Variants in RAB3C observed in about 807,000 individuals in gnomAD.
RAB3C encodes the protein RAB3C, member RAS oncogene family, also known as ras-related protein Rab-3C.
In RAB3C, 17 loss-of-function variants were observed where a neutral mutation model predicts 26.4. The observed-to-expected ratio is 0.64, with a 90% CI of 0.44 to 0.97. The LOEUF is 0.97. Ranked by LOEUF, RAB3C falls within the 50% of genes least tolerant of loss-of-function variation. The pLI, the probability that RAB3C is intolerant of heterozygous loss-of-function variation, is 0.00. For synonymous variants in RAB3C, 91 were observed against 95.9 expected (o/e 0.95, Z 0.30); for missense variants, 242 against 281.9 (o/e 0.86, Z 1.01).
At chr5:58,629,650 G>T (rs374657500) in intron 2 of RAB3C, among the ~76,000 whole-genome samples, 2 of 152,146 alleles carry the variant, frequency 1.3e-5, no homozygotes, top group African/African-American at 2.4e-5. Flanking sequence ...TGGAAAAAAG[G>T]GGAGCGTTTA....
intron 3 of RAB3C, among the ~76,000 whole-genome samples, chr5:58,811,345 G>C (rs59783178): frequency 0.01 from 1,575 of 151,900 alleles, 39 homozygotes; most frequent in African/African-American, 0.036. Flanking sequence ...TAGATTTTGC[G>C]TGTGTGTGTA....
At chr5:58,588,773 G>A (rs979296142) in intron 1 of RAB3C, among the ~76,000 whole-genome samples, 10 of 152,010 alleles carry the variant, frequency 6.6e-5, no homozygotes, top group Non-Finnish European at 1.0e-4. Flanking sequence ...CTGACTCTGC[G>A]TCCAGAGGCC....
At chr5:58,624,258 G>A (rs1747007453) in intron 2 of RAB3C, among the ~76,000 whole-genome samples, 1 of 152,166 alleles carries the variant, frequency 6.6e-6, no homozygotes, top group East Asian at 1.9e-4. Flanking sequence ...CCTGAGCACA[G>A]CACACACAGG....
chr5:58,597,207 T>C (rs1414307839), intron 1 of RAB3C, among the ~76,000 whole-genome samples: 2 of 29,448 alleles, frequency 6.8e-5, no homozygotes, highest in Non-Finnish European at 1.0e-4. Context: ...TAATATATAC[T>C]ACATAAATAT....
chr5:58,764,416 G>A (rs1741856342), intron 3 of RAB3C, among the ~76,000 whole-genome samples: 4 of 151,996 alleles, frequency 2.6e-5, no homozygotes, highest in Admixed American at 2.6e-4. Context: ...GCAATTCCCA[G>A]TCCTCTGTTT....
intron 2 of RAB3C, among the ~76,000 whole-genome samples, chr5:58,618,912 G>GA (rs1265278752): frequency 6.6e-6 from 1 of 151,998 alleles, no homozygotes; most frequent in Non-Finnish European, 1.5e-5. Context: ...TGATCAATAG[G>GA]ACTGACAATA....
chr5:58,798,892 C>T (rs1033197230), intron 3 of RAB3C, among the ~76,000 whole-genome samples: 1 of 152,100 alleles, frequency 6.6e-6, no homozygotes, highest in Non-Finnish European at 1.5e-5. Flanking sequence ...CTACAACTTG[C>T]CACAACTAGC....
intron 1 of RAB3C, among the ~76,000 whole-genome samples, chr5:58,601,391 A>G (rs532466134): frequency 8.1e-4 from 123 of 152,144 alleles, no homozygotes; most frequent in Non-Finnish European, 1.5e-3. Context: ...TTCTTTCTCT[A>G]TCTTGTGGAA....
intron 3 of RAB3C, among the ~76,000 whole-genome samples, chr5:58,752,574 C>T (rs1427816313): frequency 6.6e-6 from 1 of 151,786 alleles, no homozygotes; most frequent in African/African-American, 2.4e-5. Context: ...GGTGTATTAT[C>T]AGTGATTTGA....
At chr5:58,702,997 A>G (rs1306826205) in intron 2 of RAB3C, among the ~76,000 whole-genome samples, 1 of 152,176 alleles carries the variant, frequency 6.6e-6, no homozygotes, top group African/African-American at 2.4e-5. Context: ...AAGGCAACCT[A>G]TATATTGGTT....
chr5:58,626,657 G>A (rs1382734602), intron 2 of RAB3C, among the ~76,000 whole-genome samples: 1 of 152,046 alleles, frequency 6.6e-6, no homozygotes, highest in Non-Finnish European at 1.5e-5. Flanking sequence ...TTTGCTTATA[G>A]TCTTATCGTA....
intron 3 of RAB3C, among the ~76,000 whole-genome samples, chr5:58,803,057 A>G (rs1003856830): frequency 6.6e-6 from 1 of 152,212 alleles, no homozygotes; most frequent in African/African-American, 2.4e-5. Flanking sequence ...CTCTCATTCC[A>G]TTGACCAGAG....
In RAB3C at chr5:58,604,983, C is replaced by G. The variant is rs867560371; in HGVS notation, c.25-12660C>G. The stretch of plus-strand genomic sequence containing the variant: ...TTGGGGACCCAGAGAGCTCGCAGGG[C>G]CTTTCTGCTGCTTCCTCTACCCCTA... On this transcript the variant is annotated intron_variant, in intron 1 of 4. Transcript: ENST00000282878. Among the ~76,000 whole-genome samples the G allele has an allele frequency of 1.3e-5, 2 of 152,018 alleles. 1 individual carries two copies. The highest frequency in any genetic ancestry group is 2.9e-5 in the Non-Finnish European group (2 of 68,012).
chr5:58,812,772 T>C (rs577134058), intron 3 of RAB3C, among the ~76,000 whole-genome samples: 100 of 152,360 alleles, frequency 6.6e-4, no homozygotes, highest in African/African-American at 2.4e-3. Context: ...ATCAATACCA[T>C]GTGAATAATT....
intron 3 of RAB3C, among the ~76,000 whole-genome samples, chr5:58,811,703 C>G (rs369814708): frequency 6.6e-5 from 10 of 152,130 alleles, no homozygotes; most frequent in East Asian, 5.8e-4. Context: ...TGTCCCACCC[C>G]CTTTCTCTCA....
At chr5:58,716,041 A>G (rs933744003) in intron 2 of RAB3C, among the ~76,000 whole-genome samples, 4 of 145,902 alleles carry the variant, frequency 2.7e-5, no homozygotes, top group African/African-American at 1.1e-4. Flanking sequence ...AAAAAAAAAG[A>G]AAAGGAAAAA....
intron 1 of RAB3C, among the ~76,000 whole-genome samples, chr5:58,613,926 T>C (rs535379649): frequency 3.4e-4 from 52 of 152,070 alleles, no homozygotes; most frequent in Admixed American, 3.1e-3. Context: ...ATACCTGAAG[T>C]TCTCTCTATG....
intron 2 of RAB3C, among the ~76,000 whole-genome samples, chr5:58,648,324 C>T (rs1023793470): frequency 1.3e-5 from 2 of 152,112 alleles, no homozygotes; most frequent in Non-Finnish European, 2.9e-5. Flanking sequence ...AACACTTATT[C>T]GATGAGTCCC....
intron 3 of RAB3C, 137 bp downstream of exon 3, chr5:58,726,257 TA>T (rs112085811): frequency 1.4e-3 from 681 of 477,532 alleles, no homozygotes; most frequent in South Asian, 2.9e-3. Context: ...GTGCTTCATT[TA>T]AAAAAAAATG....
Sources: gnomAD v4.1 joint callset for allele counts (sites outside exome capture counted in the v4.1 genomes callset) on GRCh38, gnomAD v4.1.1 for gene constraint, MANE v1.5 for transcripts, NCBI Gene and HGNC (gene_info 2026-07-23, HGNC 2026-07-21) for gene names.